PPP1R7: variants seen among roughly 807,000 people sequenced by gnomAD.
The protein encoded by PPP1R7 is protein phosphatase 1 regulatory subunit 22.
PPP1R7 carries 18 observed loss-of-function variants against 45.2 expected under a neutral mutation model. That is an observed-to-expected ratio of 0.40 (90% CI 0.28 to 0.59). The LOEUF is 0.59. PPP1R7 is among the 20% of genes least tolerant of loss of function. The pLI is 0.46. For missense variants in PPP1R7, 314 were observed against 455.8 expected (o/e 0.69, Z 2.83); for synonymous variants, 181 against 183.4 (o/e 0.99, Z 0.11).
intron 7 of PPP1R7, among the ~76,000 whole-genome samples, chr2:241,165,925 T>C (rs1439167224): frequency 7.4e-6 from 1 of 135,916 alleles, no homozygotes; most frequent in East Asian, 2.3e-4. Flanking sequence ...TTTTTTGAGA[T>C]GGAGTCTCGC....
At chr2:241,162,399 G>A (rs75611221) in intron 6 of PPP1R7, among the ~76,000 whole-genome samples, 2,702 of 152,298 alleles carry the variant, frequency 0.018, 86 homozygotes, top group African/African-American at 0.061. Flanking sequence ...GGAAACTGAA[G>A]TCAAATCAAT....
chr2:241,150,558 C>T lies in PPP1R7; in HGVS notation c.52+11C>T, dbSNP rs777793113. On this transcript the variant is annotated intron_variant, in intron 1 of 9. Coordinates refer to ENST00000234038, the MANE Select transcript of PPP1R7 (RefSeq NM_002712.3). ...AGGAGATGATGGAGGGTGAGCGGCC[C>T]CTGCGGGCGGCGGCCCAAGGGCCCA... 8.8e-6 allele frequency: 14 copies of T among 1,588,054 alleles called. No homozygotes were observed. Among genetic ancestry groups the T allele is most frequent in the South Asian group, 1.1e-5 (1 of 87,998 alleles).
intron 9 of PPP1R7, among the ~76,000 whole-genome samples, chr2:241,174,336 G>A (rs6724057): frequency 0.55 from 83,869 of 152,030 alleles, 25,493 homozygotes; most frequent in Middle Eastern, 0.74. Flanking sequence ...GTAGTTCTTC[G>A]ACCAGCCTTT....
At chr2:241,158,328 C>T in intron 3 of PPP1R7, 156 bp from the exon 4 acceptor site, 2 of 662,312 alleles carry the variant, frequency 3.0e-6, no homozygotes, top group Non-Finnish European at 5.4e-6. Flanking sequence ...AGCCAAAGAG[C>T]CCCCGCAGCA....
chr2:241,182,595 C>T (rs2068023756), intron 9 of PPP1R7, 52 bp from the exon 10 acceptor site: 10 of 1,600,272 alleles, frequency 6.2e-6, no homozygotes, highest in East Asian at 2.2e-5. Flanking sequence ...CCACCAGAGT[C>T]GAGGGCTGGG....
At chr2:241,171,484 C>T (rs1461143685) in intron 9 of PPP1R7, among the ~76,000 whole-genome samples, 1 of 152,212 alleles carries the variant, frequency 6.6e-6, no homozygotes, top group Non-Finnish European at 1.5e-5. Flanking sequence ...AATTCTCAAA[C>T]TCAGTTCCAT....
upstream of PPP1R7, chr2:241,149,742 C>G: frequency 1.3e-6 from 2 of 1,544,364 alleles, no homozygotes; most frequent in Non-Finnish European, 1.7e-6. Context: ...TTGGAGGCCT[C>G]TTTCTGAAGG....
At chr2:241,160,856 G>A (rs1445594861) in intron 6 of PPP1R7, among the ~76,000 whole-genome samples, 1 of 152,178 alleles carries the variant, frequency 6.6e-6, no homozygotes, top group Non-Finnish European at 1.5e-5. Flanking sequence ...TCTTCGAGAT[G>A]AAAGTTTCCC....
intron 4 of PPP1R7, 158 bp from the exon 5 acceptor site, chr2:241,159,055 C>T: frequency 1.1e-6 from 1 of 894,866 alleles, no homozygotes; most frequent in Non-Finnish European, 1.7e-6. Flanking sequence ...CCCTTGCCCA[C>T]CTGCCTCTCA....
At chr2:241,176,058 G>A (rs1487780885) in intron 9 of PPP1R7, among the ~76,000 whole-genome samples, 1 of 152,202 alleles carries the variant, frequency 6.6e-6, no homozygotes, top group African/African-American at 2.4e-5. Context: ...GATTACAGGA[G>A]TGAGCCACTA....
At chr2:241,149,819 C>T (rs1478387146), upstream of PPP1R7, 27 of 1,527,480 alleles carry the variant, frequency 1.8e-5, no homozygotes, top group Non-Finnish European at 2.3e-5. Context: ...GCTGCAGCGT[C>T]CGCACTGGGC....
chr2:241,183,437 C>T lies in PPP1R7; in HGVS notation c.*614C>T, dbSNP rs763120629. On this transcript the variant is annotated 3_prime_UTR_variant, in exon 10 of 10. Transcript: ENST00000234038. ...CTGTTTTCACGTGTGCCCGTCAGTT[C>T]TCGCCACATCCCTTGCCTGTGGGTG... 4 of 471,194 alleles carry T rather than the reference C, an allele frequency of 8.5e-6. No homozygotes were observed. In the East Asian group the frequency reaches 2.8e-4, roughly 33 times the overall value. 29.2% of individuals were successfully genotyped at this position (471,194 alleles called of 1,614,324 possible).
At chr2:241,149,619 A>G, upstream of PPP1R7, 1 of 1,533,950 alleles carries the variant, frequency 6.5e-7, no homozygotes, top group Non-Finnish European at 8.7e-7. Flanking sequence ...AAACACCCCT[A>G]CGGCGCTTCG....
chr2:241,149,850 A>G (rs1397096391), upstream of PPP1R7: 2 of 1,474,694 alleles, frequency 1.4e-6, no homozygotes, highest in East Asian at 2.6e-5. Flanking sequence ...TTGCAAGGGG[A>G]GCCCAGCTGG....
intron 1 of PPP1R7, among the ~76,000 whole-genome samples, chr2:241,150,850 G>T (rs936922574): frequency 6.6e-6 from 1 of 152,170 alleles, no homozygotes; most frequent in Non-Finnish European, 1.5e-5. Context: ...TTGGAGCCTC[G>T]CCCCGAGCCT....
upstream of PPP1R7, chr2:241,150,128 AG>A (rs1289671200): frequency 3.2e-6 from 4 of 1,266,888 alleles, no homozygotes; most frequent in Non-Finnish European, 4.0e-6. Flanking sequence ...CACGCCTCCG[AG>A]GTCGAGACAG....
Position 241,160,384 on chromosome 2 carries a change from T to G in PPP1R7, c.487T>G (p.Leu163Val). The G allele has an allele frequency of 6.2e-7, 1 of 1,612,958 alleles. No individual in the cohort carries two copies. The change falls in exon 6 of 10, where the codon TTG (leucine) becomes GTG (valine). Residue 163 changes from leucine (L) to valine (V), a missense_variant. Leu to Val is a conservative substitution (Grantham distance 32). Around this residue, in one of 3 missense-constraint regions of PPP1R7, gnomAD observed 168 missense variants for 285.3 expected, o/e 0.59. Transcript: ENST00000234038. ...LLRNIEGVDK[L>V]TRLKKLFLVN... is the part of the protein sequence containing the mutation. Reference sequence around the variant, plus strand: ...GAGAAACATCGAAGGGGTTGACAAGTTGACACGACTGAAAAAACTCTTCTT... The same window carrying G: ...GAGAAACATCGAAGGGGTTGACAAGGTGACACGACTGAAAAAACTCTTCTT...
chr2:241,163,258 C>G (rs767611255), intron 6 of PPP1R7, 27 bp from the exon 7 acceptor site: 1 of 1,502,948 alleles, frequency 6.7e-7, no homozygotes, highest in South Asian at 1.1e-5. Context: ...AACTGCAGTA[C>G]TCATTGCTGT....
At chr2:241,156,497 C>G (rs541399141) in intron 2 of PPP1R7, among the ~76,000 whole-genome samples, 6 of 152,158 alleles carry the variant, frequency 3.9e-5, no homozygotes, top group Admixed American at 2.6e-4. Flanking sequence ...ATAGCGAGAC[C>G]CTGATTGTAC....
Sources: gnomAD v4.1 joint callset for allele counts (sites outside exome capture counted in the v4.1 genomes callset) on GRCh38, gnomAD v4.1.1 for gene constraint, gnomAD v4.1.1 regional missense constraint, MANE v1.5 for transcripts, NCBI Gene and HGNC (gene_info 2026-07-23, HGNC 2026-07-21) for gene names.